Variants in ERCC6 observed in about 807,000 individuals in gnomAD.
The protein encoded by ERCC6 is ERCC excision repair 6, chromatin remodeling factor, also known as DNA excision repair protein ERCC-6.
In ERCC6, 116 loss-of-function variants were observed where a neutral mutation model predicts 158.7. The observed-to-expected ratio is 0.73, with a 90% CI of 0.63 to 0.85. The LOEUF is 0.85. Among genes scored for constraint, ERCC6 ranks in the 40% least tolerant of loss-of-function variants. The probability of loss-of-function intolerance (pLI) is 0.00; values close to 1 mark genes in which losing one functional copy is unlikely to be tolerated. For synonymous variants in ERCC6, 678 were observed against 659.3 expected (o/e 1.03, Z -0.43); for missense variants, 1,698 against 1,799.4 (o/e 0.94, Z 1.02).
intron 18 of ERCC6, among the ~76,000 whole-genome samples, chr10:49,467,195 T>G (rs568984944): frequency 6.6e-6 from 1 of 152,242 alleles, no homozygotes; most frequent in Admixed American, 6.5e-5. Context: ...CGAATATTCA[T>G]GTACAAGCCT....
chr10:49,532,985 G>T lies in ERCC6; in HGVS notation c.-14-7C>A, dbSNP rs760651771. 1 of 1,613,676 alleles carries T rather than the reference G, an allele frequency of 6.2e-7. No homozygotes were observed. The highest frequency in any genetic ancestry group is 1.7e-5 in the Admixed American group (1 of 59,992). On this transcript the variant is annotated splice_region_variant and splice_polypyrimidine_tract_variant and intron_variant, in intron 1 of 20. Coordinates refer to ENST00000355832, the MANE Select transcript of ERCC6 (RefSeq NM_000124.4). The stretch of plus-strand genomic sequence containing the variant: ...GGCATTCTCTACAGACTACCTAAAA[G>T]GAAAAAAATTTATAAGCCTTTTCGT...
rs764319566 is a variant in ERCC6, at chr10:49,524,617, G to A, written c.813C>T (p.Phe271=). 7.2e-5 allele frequency: 116 copies of A among 1,613,920 alleles called. No individual in the cohort carries two copies. Among genetic ancestry groups the A allele is most frequent in the South Asian group, 3.1e-4 (28 of 91,076 alleles). The change falls in exon 5 of 21, where the codon TTC becomes TTT. Residue 271 remains phenylalanine, a synonymous_variant. Coordinates refer to ENST00000355832, the MANE Select transcript of ERCC6 (RefSeq NM_000124.4). ...RKIMLNEASG[F]EKYLADQAKL... ...TTGCTTGATCTGCCAAATACTTTTCGAAGCCTGATGCTTCATTAAGCATGA... is the reference window on the plus strand; with the variant it reads ...TTGCTTGATCTGCCAAATACTTTTCAAAGCCTGATGCTTCATTAAGCATGA...
intron 7 of ERCC6, among the ~76,000 whole-genome samples, chr10:49,498,924 C>T (rs750084326): frequency 7.9e-5 from 12 of 152,192 alleles, no homozygotes; most frequent in Non-Finnish European, 1.5e-4. Context: ...TCCTAGAAAC[C>T]ATTTGGAGGA....
rs954367143 is a variant in ERCC6 at position 49,457,760 on chromosome 10, G to A, written c.*1055C>T. On this transcript the variant is annotated 3_prime_UTR_variant, in exon 21 of 21. Coordinates refer to ENST00000355832, the MANE Select transcript of ERCC6 (RefSeq NM_000124.4). ...GAGATGATAAAATCATCCTGAGAAG[G>A]AAACAAGAAAAACATGGGTAAGAAA... 1.3e-5 allele frequency: 2 copies of A among 152,198 alleles called. No homozygotes were observed. Among genetic ancestry groups the A allele is most frequent in the African/African-American group, 4.8e-5 (2 of 41,444 alleles). 9.4% of individuals were successfully genotyped at this position (152,198 alleles called of 1,614,324 possible).
At chr10:49,530,991 C>G in intron 2 of ERCC6, 151 bp from the exon 3 acceptor site, 1 of 1,134,814 alleles carries the variant, frequency 8.8e-7, no homozygotes, top group Non-Finnish European at 1.2e-6. Flanking sequence ...TTATTGGCCA[C>G]AAATAAAACT....
chr10:49,452,570 G>A (rs1850432215), downstream of ERCC6, among the ~76,000 whole-genome samples: 1 of 152,076 alleles, frequency 6.6e-6, no homozygotes, highest in Non-Finnish European at 1.5e-5. Context: ...TGGGTGAAGT[G>A]TTCTATAGAT....
At chr10:49,515,343 T>C (rs1299497678) in intron 5 of ERCC6, 2 of 1,608,838 alleles carry the variant, frequency 1.2e-6, no homozygotes, top group African/African-American at 1.3e-5. Flanking sequence ...CTATTCAGTG[T>C]GATATTCAAC....
At position 49,526,107 on chromosome 10, in the gene ERCC6, TTATATATTTTTATATA is replaced by T. The variant is rs1343877441; in HGVS notation, c.653-1346_653-1331del. Among the ~76,000 whole-genome samples, 320 of 80,468 alleles carry T rather than the reference TTATATATTTTTATATA, an allele frequency of 4.0e-3. 4 individuals are homozygous for T. The highest frequency in any genetic ancestry group is 5.9e-3 in the Non-Finnish European group (256 of 43,498). 52.8% of individuals were successfully genotyped at this position (80,468 alleles called of 152,430 possible). On this transcript the variant is annotated intron_variant, in intron 4 of 20. Transcript: ENST00000355832. ...TATTTATATTTATATATTTATATATTTATATATTTTTATATATATATATATATATATATATATATAT... is the reference window on the plus strand; with the variant it reads ...TATTTATATTTATATATTTATATATTTATATATATATATATATATATATAT...
At chr10:49,517,795 T>G (rs1365082381) in intron 5 of ERCC6, among the ~76,000 whole-genome samples, 2 of 152,088 alleles carry the variant, frequency 1.3e-5, no homozygotes, top group Non-Finnish European at 2.9e-5. Context: ...CCTCCTGCCT[T>G]GGCCTCCTAA....
intron 2 of ERCC6, 140 bp from the exon 3 acceptor site, chr10:49,530,980 C>T: frequency 1.7e-6 from 2 of 1,207,302 alleles, no homozygotes; most frequent in South Asian, 2.9e-5. Flanking sequence ...AATACATACC[C>T]TTATTGGCCA....
chr10:49,518,856 T>C (rs1164138673), intron 5 of ERCC6, among the ~76,000 whole-genome samples: 1 of 152,184 alleles, frequency 6.6e-6, no homozygotes, highest in Non-Finnish European at 1.5e-5. Context: ...CTGTAAGACT[T>C]ACACAATGAA....
chr10:49,452,937 ATC>A (rs1850436746), downstream of ERCC6, among the ~76,000 whole-genome samples: 1 of 152,040 alleles, frequency 6.6e-6, no homozygotes, highest in Non-Finnish European at 1.5e-5. Flanking sequence ...CTTTTAATCT[ATC>A]TGTGTCTTTG....
At chr10:49,502,657 C>G (rs1172902130) in intron 6 of ERCC6, 5 of 152,166 alleles carry the variant, frequency 3.3e-5, no homozygotes, top group African/African-American at 1.2e-4. Context: ...CAAAGTGATT[C>G]TGGAAATGAT....
intron 7 of ERCC6, among the ~76,000 whole-genome samples, chr10:49,494,001 C>A (rs552032272): frequency 1.3e-5 from 2 of 152,340 alleles, no homozygotes; most frequent in East Asian, 3.9e-4. Flanking sequence ...ATTGACCCAG[C>A]AATCCCAATA....
chr10:49,459,709 T>C (rs926164070), intron 20 of ERCC6, among the ~76,000 whole-genome samples: 2 of 152,206 alleles, frequency 1.3e-5, no homozygotes, highest in African/African-American at 4.8e-5. Context: ...TTACATCTAA[T>C]GCAACTTGCC....
At chr10:49,465,598 CAT>C (rs1359267901) in intron 18 of ERCC6, among the ~76,000 whole-genome samples, 14 of 152,306 alleles carry the variant, frequency 9.2e-5, no homozygotes, top group South Asian at 4.1e-4. Context: ...ACAATTCCCA[CAT>C]GTCATGGGAG....
intron 5 of ERCC6, chr10:49,515,196 A>G (rs1264039720): frequency 1.1e-5 from 15 of 1,310,120 alleles, no homozygotes; most frequent in Middle Eastern, 2.8e-4. Flanking sequence ...AAGGAACAAA[A>G]ATTTGAAGAG....
chr10:49,518,123 A>G (rs1837040363), intron 5 of ERCC6, among the ~76,000 whole-genome samples: 1 of 152,240 alleles, frequency 6.6e-6, no homozygotes, highest in African/African-American at 2.4e-5. Flanking sequence ...TCCCAGTGCA[A>G]ACAGGTGCTA....
intron 3 of ERCC6, 99 bp from the exon 4 acceptor site, chr10:49,528,624 A>G (rs1216179365): frequency 3.6e-6 from 5 of 1,403,410 alleles, no homozygotes; most frequent in Non-Finnish European, 4.9e-6. Context: ...AATCCAAAGT[A>G]AAATAAAAAT....
Sources: allele counts gnomAD v4.1 joint callset (sites outside exome capture counted in the v4.1 genomes callset), GRCh38; gene constraint gnomAD v4.1.1; transcripts MANE v1.5; gene names NCBI Gene and HGNC (gene_info 2026-07-23, HGNC 2026-07-21).